PCDHGB1: variants seen among roughly 807,000 people sequenced by gnomAD.
PCDHGB1 encodes protocadherin gamma subfamily B, 1.
PCDHGB1 carries 34 observed loss-of-function variants against 56.6 expected under a neutral mutation model. The observed-to-expected ratio is 0.60, with a 90% CI of 0.46 to 0.80. The LOEUF (loss-of-function observed/expected upper bound fraction) is 0.80. PCDHGB1 is among the 30% of genes least tolerant of loss of function. PCDHGB1 has a pLI of 0.00. For synonymous variants in PCDHGB1, 561 were observed against 505.9 expected (o/e 1.11, Z -1.46); for missense variants, 1,278 against 1,204.6 (o/e 1.06, Z -0.90).
At chr5:141,370,759 T>C in intron 1 of PCDHGB1, 3 of 1,614,022 alleles carry the variant, frequency 1.9e-6, no homozygotes, top group Non-Finnish European at 1.7e-6. Flanking sequence ...GTAACTGTGC[T>C]GATCCAGGAT....
At chr5:141,475,996 G>T (rs2099383729) in intron 1 of PCDHGB1, 4 of 1,181,402 alleles carry the variant, frequency 3.4e-6, no homozygotes, top group Non-Finnish European at 3.5e-6. Flanking sequence ...GCAAATCAAC[G>T]GCATCCAGAA....
chr5:141,438,764 C>T (rs963627140), intron 1 of PCDHGB1, among the ~76,000 whole-genome samples: 38 of 148,736 alleles, frequency 2.6e-4, no homozygotes, highest in African/African-American at 9.4e-4. Context: ...TGGGTTCAAG[C>T]GATTCTCCTG....
chr5:141,441,327 C>T (rs973149197), intron 1 of PCDHGB1: 2 of 152,196 alleles, frequency 1.3e-5, no homozygotes, highest in Admixed American at 6.5e-5. Flanking sequence ...AAAAATCTTC[C>T]TCCAATAATT....
intron 1 of PCDHGB1, chr5:141,385,593 C>A: frequency 8.1e-7 from 1 of 1,235,054 alleles, no homozygotes; most frequent in African/African-American, 1.6e-5. Flanking sequence ...TTCCAACCTA[C>A]TTTCTTAACT....
At chr5:141,415,450 C>A (rs774745130) in intron 1 of PCDHGB1, 44 of 1,614,086 alleles carry the variant, frequency 2.7e-5, no homozygotes, top group Non-Finnish European at 3.4e-5. Context: ...GACCTATTCC[C>A]ACGAGGTCTC....
chr5:141,381,823 CTTCT>C (rs1777510060), intron 1 of PCDHGB1, among the ~76,000 whole-genome samples: 4 of 101,610 alleles, frequency 3.9e-5, no homozygotes, highest in African/African-American at 4.3e-5. Flanking sequence ...TTTCTTTCTT[CTTCT>C]TTTTTTTTTT....
chr5:141,511,711 T>G lies in PCDHGB1; in HGVS notation c.*538T>G. 1 of 185,916 alleles carries G rather than the reference T, an allele frequency of 5.4e-6. No individual in the cohort carries two copies. Among genetic ancestry groups the G allele is most frequent in the South Asian group, 1.1e-4 (1 of 8,818 alleles). The allele number at this position is 185,916 out of a possible 1,614,324, so 11.5% of individuals were successfully genotyped here. A position where few individuals can be genotyped will look rare whatever the true frequency, so the allele number is the denominator to read the frequency against. Reference sequence around the variant, plus strand: ...GTTTGGTGCCAGCCCCTTCACCTCCTTCCAGAGCCCAAGATCAATGCTCAA... The same window carrying G: ...GTTTGGTGCCAGCCCCTTCACCTCCGTCCAGAGCCCAAGATCAATGCTCAA... On this transcript the variant is annotated 3_prime_UTR_variant, in exon 4 of 4. Transcript: ENST00000523390.
intron 1 of PCDHGB1, chr5:141,395,944 C>G (rs1218959085): frequency 6.6e-6 from 1 of 151,840 alleles, no homozygotes; most frequent in East Asian, 1.9e-4. Context: ...CATTGCTCCC[C>G]CAAACAAAAA....
chr5:141,372,670 A>T (rs1383646459), intron 1 of PCDHGB1: 1 of 1,614,026 alleles, frequency 6.2e-7, no homozygotes. Flanking sequence ...GCTGCCTCAC[A>T]TTCCTCAAAC....
chr5:141,357,328 G>C, intron 1 of PCDHGB1: 2 of 1,614,102 alleles, frequency 1.2e-6, no homozygotes, highest in Non-Finnish European at 1.7e-6. Context: ...TTTTGTCACG[G>C]TGCTGCTAGC....
At chr5:141,423,026 G>A in intron 1 of PCDHGB1, 2 of 1,614,210 alleles carry the variant, frequency 1.2e-6, no homozygotes, top group African/African-American at 1.3e-5. Flanking sequence ...AAAGATTCAG[G>A]CCAGAACGCC....
intron 1 of PCDHGB1, among the ~76,000 whole-genome samples, chr5:141,457,254 A>G (rs2098914828): frequency 6.6e-6 from 1 of 152,222 alleles, no homozygotes; most frequent in Admixed American, 6.5e-5. Flanking sequence ...TTGCCAACAT[A>G]TAGAATTCCC....
intron 3 of PCDHGB1, among the ~76,000 whole-genome samples, chr5:141,510,329 A>T (rs1433056614): frequency 2.7e-5 from 4 of 150,230 alleles, no homozygotes; most frequent in Admixed American, 2.7e-4. Flanking sequence ...AGCACTCTTC[A>T]CCCCCACCCC....
chr5:141,364,772 G>T (rs764374918), intron 1 of PCDHGB1: 17 of 1,613,860 alleles, frequency 1.1e-5, no homozygotes, highest in African/African-American at 2.7e-5. Context: ...AAATGCGGCT[G>T]CAGGGACACG....
At position 141,429,997 on chromosome 5, in the gene PCDHGB1, G is replaced by A. The variant is rs536289272; in HGVS notation, c.2410-64810G>A. Among the ~76,000 whole-genome samples, 3 of 152,240 alleles carry A rather than the reference G, an allele frequency of 2.0e-5. No homozygotes were observed. The East Asian group carries it at 5.8e-4, about 29-fold the overall frequency. On this transcript the variant is annotated intron_variant, in intron 1 of 3. Transcript: ENST00000523390. ...TCTACTTTATGCTAAAAATATTAAT[G>A]TTTCTTTTTCACTTGGGTTCTTGTT... is the stretch of plus-strand genomic sequence containing the variant.
At chr5:141,388,923 T>G (rs374663443) in intron 1 of PCDHGB1, 2 of 1,614,002 alleles carry the variant, frequency 1.2e-6, no homozygotes, top group Admixed American at 1.7e-5. Context: ...AGAAGTGATA[T>G]TCCAGTCTCT....
intron 1 of PCDHGB1, chr5:141,413,902 G>A: frequency 1.9e-6 from 3 of 1,613,252 alleles, no homozygotes; most frequent in East Asian, 2.2e-5. Flanking sequence ...AAATGACAAC[G>A]CGCCGGTCTT....
intron 1 of PCDHGB1, chr5:141,426,560 G>A (rs1358683534): frequency 5.7e-6 from 2 of 352,756 alleles, no homozygotes; most frequent in South Asian, 2.1e-5. Flanking sequence ...AGAATAGATC[G>A]AGAGTCACTG....
At chr5:141,388,733 A>G in intron 1 of PCDHGB1, 1 of 1,613,986 alleles carries the variant, frequency 6.2e-7, no homozygotes, top group Non-Finnish European at 8.5e-7. Context: ...CTTTCAGTGA[A>G]GCTAGCCAGA....
Sources: gnomAD v4.1 joint callset for allele counts (sites outside exome capture counted in the v4.1 genomes callset) on GRCh38, gnomAD v4.1.1 for gene constraint, MANE v1.5 for transcripts, NCBI Gene and HGNC (gene_info 2026-07-23, HGNC 2026-07-21) for gene names.